PSIP1: variants seen among roughly 807,000 people sequenced by gnomAD.
PSIP1 encodes PC4 and SFRS1-interacting protein.
PSIP1 carries 19 observed loss-of-function variants against 74.7 expected under a neutral mutation model. The ratio of observed to expected loss-of-function variants is 0.25; its 90% CI spans 0.18 to 0.37. The LOEUF is 0.37. Among genes scored for constraint, PSIP1 ranks in the 10% least tolerant of loss-of-function variants. PSIP1 has a pLI of 1.00. For synonymous variants in PSIP1, 222 were observed against 195.3 expected (o/e 1.14, Z -1.14); for missense variants, 601 against 614.3 (o/e 0.98, Z 0.23).
intron 4 of PSIP1, 150 bp downstream of exon 4, chr9:15,489,836 A>T: frequency 1.8e-6 from 1 of 550,004 alleles, no homozygotes. Flanking sequence ...ATTTTGATAT[A>T]AAATGCCCAA....
chr9:15,474,167 CCTT>C lies in PSIP1; in HGVS notation c.697_699del (p.Lys233del). 1 of 1,613,362 alleles carries C rather than the reference CCTT, an allele frequency of 6.2e-7. No homozygotes were observed. Among genetic ancestry groups the C allele is most frequent in the Non-Finnish European group, 8.5e-7 (1 of 1,179,824 alleles). ...TCTTCTTCCTTCTGGCCCTCTTCAT[CCTT>C]CTTAGGCTGCTTTTTAGGTTGTTTT... is the stretch of plus-strand genomic sequence containing the variant. On this transcript the variant is annotated inframe_deletion, in exon 9 of 16. Transcript: ENST00000380733.
At chr9:15,479,094 T>G (rs1393119589) in intron 7 of PSIP1, among the ~76,000 whole-genome samples, 2 of 152,132 alleles carry the variant, frequency 1.3e-5, no homozygotes, top group African/African-American at 4.8e-5. Flanking sequence ...TCACTCAATT[T>G]TGGTTTTGTT....
intron 3 of PSIP1, among the ~76,000 whole-genome samples, chr9:15,497,582 C>T (rs1421908031): frequency 3.3e-5 from 5 of 152,050 alleles, no homozygotes; most frequent in Admixed American, 3.3e-4. Flanking sequence ...ACCTCGGCCT[C>T]CCAAAGTGCT....
intron 6 of PSIP1, among the ~76,000 whole-genome samples, 197 bp from the exon 7 acceptor site, chr9:15,479,884 T>C (rs2036261372): frequency 6.6e-6 from 1 of 152,114 alleles, no homozygotes; most frequent in African/African-American, 2.4e-5. Context: ...TGAACAACTC[T>C]TAAAAAAAAC....
intron 2 of PSIP1, among the ~76,000 whole-genome samples, chr9:15,507,377 C>T (rs1306540792): frequency 1.3e-5 from 2 of 152,150 alleles, no homozygotes; most frequent in Non-Finnish European, 2.9e-5. Flanking sequence ...CGGCCAGGCG[C>T]GGTGGCTCAC....
chr9:15,505,696 C>G (rs1407755154), intron 3 of PSIP1: 1 of 152,170 alleles, frequency 6.6e-6, no homozygotes, highest in African/African-American at 2.4e-5. Flanking sequence ...TTGAAAATCA[C>G]TTTAAGCAGG....
At position 15,506,478 on chromosome 9, in the gene PSIP1, G is replaced by A. The variant is rs147269548; in HGVS notation, c.149+83C>T. 461 of 970,334 alleles carry A rather than the reference G, an allele frequency of 4.8e-4. No individual in the cohort carries two copies. In the African/African-American group the frequency reaches 5.4e-3, roughly 11 times the overall value. The allele number at this position is 970,334 out of a possible 1,614,324, so 60.1% of individuals were successfully genotyped here. A position where few individuals can be genotyped will look rare whatever the true frequency, so the allele number is the denominator to read the frequency against. ...ATTTTAAAGTTTCCTATTACGTTACGATTTCCCCCTTGAATTAATGTCTAC... is the reference window on the plus strand; with the variant it reads ...ATTTTAAAGTTTCCTATTACGTTACAATTTCCCCCTTGAATTAATGTCTAC... On this transcript the variant is annotated intron_variant, in intron 3 of 15. Coordinates refer to ENST00000380733, the MANE Select transcript of PSIP1 (RefSeq NM_033222.5).
At chr9:15,504,420 C>G (rs1250237421) in intron 3 of PSIP1, among the ~76,000 whole-genome samples, 1 of 152,030 alleles carries the variant, frequency 6.6e-6, no homozygotes, top group African/African-American at 2.4e-5. Flanking sequence ...AAAATAGTAA[C>G]GTAAGAATGG....
chr9:15,484,726 CAAAACAAAAACA>C (rs567174510), intron 6 of PSIP1, among the ~76,000 whole-genome samples: 13 of 150,046 alleles, frequency 8.7e-5, no homozygotes, highest in Middle Eastern at 3.5e-3. Flanking sequence ...GAATCCGTCT[CAAAACAAAAACA>C]AAAACAAAAC....
At chr9:15,484,273 T>C (rs376860533) in intron 6 of PSIP1, among the ~76,000 whole-genome samples, 28 of 137,064 alleles carry the variant, frequency 2.0e-4, no homozygotes, top group African/African-American at 6.0e-4. Context: ...CTAGGCAACA[T>C]AGCAAAACCC....
chr9:15,509,645 C>A (rs1453373844), intron 2 of PSIP1, among the ~76,000 whole-genome samples: 1 of 152,210 alleles, frequency 6.6e-6, no homozygotes, highest in Non-Finnish European at 1.5e-5. Context: ...AAGGCCTCAT[C>A]AAGTACAAGG....
At chr9:15,498,547 G>C (rs1208151663) in intron 3 of PSIP1, among the ~76,000 whole-genome samples, 1 of 152,036 alleles carries the variant, frequency 6.6e-6, no homozygotes, top group Non-Finnish European at 1.5e-5. Flanking sequence ...CGACAGGTTT[G>C]GTGAACAGGG....
intron 7 of PSIP1, 21 bp downstream of exon 7, chr9:15,479,570 T>C (rs1397494775): frequency 7.1e-6 from 11 of 1,554,970 alleles, no homozygotes; most frequent in Non-Finnish European, 9.6e-6. Flanking sequence ...CAAACAGATA[T>C]TTAAACATCA....
At chr9:15,477,400 A>T (rs1270492245) in intron 8 of PSIP1, among the ~76,000 whole-genome samples, 4 of 152,148 alleles carry the variant, frequency 2.6e-5, no homozygotes, top group Non-Finnish European at 5.9e-5. Flanking sequence ...ATATATTGTT[A>T]TGTGCCACTA....
intron 10 of PSIP1, among the ~76,000 whole-genome samples, chr9:15,470,445 G>C (rs1468232532): frequency 6.6e-6 from 1 of 151,678 alleles, no homozygotes. Flanking sequence ...TTAAAATTTT[G>C]GCCAATTCAT....
chr9:15,468,518 AC>A (rs1442091418), intron 14 of PSIP1, 111 bp downstream of exon 14: 3 of 1,214,126 alleles, frequency 2.5e-6, no homozygotes, highest in Non-Finnish European at 3.7e-6. Context: ...GCCTTTGTAT[AC>A]TTTTTCTGTG....
At chr9:15,496,278 A>T (rs2037070643) in intron 3 of PSIP1, among the ~76,000 whole-genome samples, 1 of 152,224 alleles carries the variant, frequency 6.6e-6, no homozygotes, top group Non-Finnish European at 1.5e-5. Context: ...ATTTGTGCCT[A>T]CAGGAACTAT....
At chr9:15,503,046 A>G (rs1416903530) in intron 3 of PSIP1, among the ~76,000 whole-genome samples, 9 of 152,226 alleles carry the variant, frequency 5.9e-5, no homozygotes, top group African/African-American at 2.2e-4. Context: ...GCAGACTACT[A>G]AACTATTTAT....
rs2037836738 is a variant in PSIP1 at position 15,510,802 on chromosome 9, C to T, written c.-142+15G>A. On this transcript the variant is annotated intron_variant, in intron 1 of 15. Coordinates refer to ENST00000380733, the MANE Select transcript of PSIP1 (RefSeq NM_033222.5). Reference sequence around the variant, plus strand: ...ACCGAGGGGGGGGCGGGGCGAGTCCCCGTCGCCCGCTCACCTGCCGGGGCC... The same window carrying T: ...ACCGAGGGGGGGGCGGGGCGAGTCCTCGTCGCCCGCTCACCTGCCGGGGCC... 6.6e-6 allele frequency: 1 copy of T among 151,934 alleles called. No homozygotes were observed. The highest frequency in any genetic ancestry group is 1.5e-5 in the Non-Finnish European group (1 of 68,004). 9.4% of individuals were successfully genotyped at this position (151,934 alleles called of 1,614,324 possible).
Sources: allele counts gnomAD v4.1 joint callset (sites outside exome capture counted in the v4.1 genomes callset), GRCh38; gene constraint gnomAD v4.1.1; transcripts MANE v1.5; gene names NCBI Gene and HGNC (gene_info 2026-07-23, HGNC 2026-07-21).